Variants in ADAM23 observed in about 807,000 individuals in gnomAD.
The protein encoded by ADAM23 is ADAM metallopeptidase domain 23.
A neutral mutation model predicts 120.1 loss-of-function variants in ADAM23; 33 were observed. The observed-to-expected ratio is 0.27, with a 90% CI of 0.21 to 0.37. The LOEUF (loss-of-function observed/expected upper bound fraction) is 0.37. Among genes scored for constraint, ADAM23 ranks in the 10% least tolerant of loss-of-function variants. The probability of loss-of-function intolerance (pLI) is 1.00; values close to 1 mark genes in which losing one functional copy is unlikely to be tolerated. For missense variants in ADAM23, 862 were observed against 1,058.2 expected, an observed-to-expected ratio of 0.81 and a Z score of 2.57; for synonymous variants, 367 against 375.2, an observed-to-expected ratio of 0.98 and a Z score of 0.25.
At chr2:206,545,413 G>A (rs530341886) in intron 6 of ADAM23, among the ~76,000 whole-genome samples, 11 of 152,256 alleles carry the variant, frequency 7.2e-5, no homozygotes, top group Admixed American at 5.2e-4. Context: ...TTGAACCTGG[G>A]AGGCAGAGGT....
chr2:206,470,102 C>A (rs950440031), intron 2 of ADAM23, among the ~76,000 whole-genome samples: 6 of 151,904 alleles, frequency 3.9e-5, no homozygotes, highest in African/African-American at 1.5e-4. Context: ...AAATGTAAAC[C>A]CTGGAAGGCC....
intron 24 of ADAM23, among the ~76,000 whole-genome samples, chr2:206,605,271 C>T (rs769505964): frequency 1.1e-4 from 16 of 152,160 alleles, no homozygotes; most frequent in South Asian, 2.1e-4. Flanking sequence ...ATCTGAAATA[C>T]GCTTTTCAAT....
In ADAM23 at chr2:206,619,325, T is replaced by G. The variant is rs1167230938; in HGVS notation, c.*1698T>G. On this transcript the variant is annotated 3_prime_UTR_variant, in exon 26 of 26. Coordinates refer to ENST00000264377, the MANE Select transcript of ADAM23 (RefSeq NM_003812.4). ...AAGTCCCTCTGAGTTTCCTTCACTT[T>G]TACTGATTTTTTTCTTCTAAATATG... The G allele has an allele frequency of 6.6e-6, 1 of 152,204 alleles. No individual in the cohort carries two copies. The highest frequency in any genetic ancestry group is 1.5e-5 in the Non-Finnish European group (1 of 68,044). The allele number at this position is 152,204 out of a possible 1,614,324, so 9.4% of individuals were successfully genotyped here.
intron 2 of ADAM23, among the ~76,000 whole-genome samples, chr2:206,456,052 T>A: frequency 6.6e-6 from 1 of 152,298 alleles, no homozygotes; most frequent in African/African-American, 2.4e-5. Flanking sequence ...TGGTACCAAT[T>A]TTCTGTATTA....
intron 2 of ADAM23, among the ~76,000 whole-genome samples, chr2:206,460,900 A>G (rs999555030): frequency 9.9e-5 from 15 of 151,970 alleles, no homozygotes; most frequent in African/African-American, 3.6e-4. Flanking sequence ...GTCCATTTTG[A>G]GTTAATTTTT....
rs1030785422 is a variant in ADAM23 at position 206,499,064 on chromosome 2, C to T, written c.509+17756C>T. On this transcript the variant is annotated intron_variant, in intron 3 of 25. Transcript: ENST00000264377. Reference sequence around the variant, plus strand: ...CTGTTGGTGGGACTGTAAACTAGTTCAACCATTGTGGAAGTCAGTGTGATG... The same window carrying T: ...CTGTTGGTGGGACTGTAAACTAGTTTAACCATTGTGGAAGTCAGTGTGATG... Among the ~76,000 whole-genome samples, 9 of 152,026 alleles carry T rather than the reference C, an allele frequency of 5.9e-5. 1 individual carries two copies. The highest frequency in any genetic ancestry group is 4.1e-4 in the South Asian group (2 of 4,820).
intron 4 of ADAM23, among the ~76,000 whole-genome samples, chr2:206,540,827 C>T (rs967417967): frequency 1.3e-5 from 2 of 151,552 alleles, no homozygotes; most frequent in Admixed American, 6.6e-5. Context: ...GATAGGAAGT[C>T]GGGGACTTCC....
At chr2:206,608,228 A>G (rs997995892) in intron 24 of ADAM23, among the ~76,000 whole-genome samples, 9 of 152,222 alleles carry the variant, frequency 5.9e-5, no homozygotes, top group South Asian at 2.1e-4. Flanking sequence ...GCCATAAACA[A>G]TATGTAAATG....
At position 206,470,375 on chromosome 2, in the gene ADAM23, C is replaced by T. The variant is rs114066085; in HGVS notation, c.433-10857C>T. Reference sequence around the variant, plus strand: ...TGGACGTGGTGAGACCTATCATTTGCGTATGAAAATAGGAGATTCTGCATA... The same window carrying T: ...TGGACGTGGTGAGACCTATCATTTGTGTATGAAAATAGGAGATTCTGCATA... On this transcript the variant is annotated intron_variant, in intron 2 of 25. Transcript: ENST00000264377. Among the ~76,000 whole-genome samples, 873 of 152,048 alleles carry T rather than the reference C, an allele frequency of 5.7e-3. 7 individuals are homozygous for T. The highest frequency in any genetic ancestry group is 0.018 in the African/African-American group (729 of 41,470).
At chr2:206,604,265 CA>C (rs1359427193) in intron 24 of ADAM23, among the ~76,000 whole-genome samples, 1 of 148,566 alleles carries the variant, frequency 6.7e-6, no homozygotes, top group Non-Finnish European at 1.5e-5. Flanking sequence ...GACTCCATCT[CA>C]AAAAAAAGAA....
rs1217384344 is a variant in ADAM23, at chr2:206,473,892, G to C, written c.433-7340G>C. 3.3e-5 allele frequency among the ~76,000 whole-genome samples: 5 copies of C among 150,990 alleles called. No homozygotes were observed. The East Asian group carries it at 7.8e-4, about 24-fold the overall frequency. ...GCTGAGAGCAGTGGCATGTACCTGT[G>C]GTCCCAGCTATTTGGGAGGCTGAGG... On this transcript the variant is annotated intron_variant, in intron 2 of 25. Transcript: ENST00000264377.
chr2:206,537,641 T>C (rs1410981550), intron 4 of ADAM23, among the ~76,000 whole-genome samples: 1 of 152,190 alleles, frequency 6.6e-6, no homozygotes. Context: ...TTTTCCCTTC[T>C]TTTTTACTGC....
chr2:206,456,737 T>C (rs1422003835), intron 2 of ADAM23, among the ~76,000 whole-genome samples: 1 of 152,198 alleles, frequency 6.6e-6, no homozygotes, highest in Non-Finnish European at 1.5e-5. Context: ...CACGTATTCC[T>C]GGACCACTTC....
chr2:206,556,183 TATA>T (rs1697639301), intron 9 of ADAM23, among the ~76,000 whole-genome samples: 2 of 152,120 alleles, frequency 1.3e-5, no homozygotes, highest in African/African-American at 2.4e-5. Flanking sequence ...TCATGAATAC[TATA>T]ATAATAGCAG....
intron 9 of ADAM23, among the ~76,000 whole-genome samples, chr2:206,550,908 G>A (rs1158108734): frequency 6.6e-6 from 1 of 152,148 alleles, no homozygotes; most frequent in Non-Finnish European, 1.5e-5. Flanking sequence ...GCGACTTATC[G>A]TCTTTAAATA....
intron 20 of ADAM23, among the ~76,000 whole-genome samples, chr2:206,588,356 T>C (rs1395479843): frequency 2.6e-5 from 4 of 152,224 alleles, no homozygotes; most frequent in Admixed American, 6.5e-5. Flanking sequence ...TTGTCAGAAC[T>C]GAGCAGTGCC....
intron 6 of ADAM23, among the ~76,000 whole-genome samples, chr2:206,544,861 G>A (rs570086095): frequency 9.6e-4 from 146 of 152,190 alleles, no homozygotes; most frequent in Non-Finnish European, 1.6e-3. Flanking sequence ...ACAGTTCCGG[G>A]AAGTCCACCA....
At chr2:206,603,607 A>G (rs909793225) in intron 24 of ADAM23, among the ~76,000 whole-genome samples, 1 of 152,162 alleles carries the variant, frequency 6.6e-6, no homozygotes, top group African/African-American at 2.4e-5. Context: ...ATGTGGAGGA[A>G]ATTATTCTTT....
chr2:206,543,108 A>G, intron 5 of ADAM23, 145 bp from the exon 6 acceptor site: 3 of 681,384 alleles, frequency 4.4e-6, no homozygotes, highest in Middle Eastern at 4.1e-4. Context: ...CCATGCAGAT[A>G]TGTGAATTAA....
Sources: allele counts gnomAD v4.1 joint callset (sites outside exome capture counted in the v4.1 genomes callset), GRCh38; gene constraint gnomAD v4.1.1; transcripts MANE v1.5; gene names NCBI Gene and HGNC (gene_info 2026-07-23, HGNC 2026-07-21).